The following ZFAT variants were observed in gnomAD, a reference collection of about 807,000 sequenced individuals.
ZFAT encodes the protein zinc finger protein ZFAT.
In ZFAT, 64 loss-of-function variants were observed where a neutral mutation model predicts 117.7. The ratio of observed to expected loss-of-function variants is 0.54; its 90% CI spans 0.44 to 0.67. The LOEUF (loss-of-function observed/expected upper bound fraction) is 0.67, where lower values mean the gene tolerates loss of function less well. Ranked by LOEUF, ZFAT falls within the 30% of genes least tolerant of loss-of-function variation. The probability of loss-of-function intolerance (pLI) is 0.00; values close to 1 mark genes in which losing one functional copy is unlikely to be tolerated. For missense variants in ZFAT, 1,433 were observed against 1,584.5 expected, an observed-to-expected ratio of 0.90 and a Z score of 1.62; for synonymous variants, 679 against 615.0, an observed-to-expected ratio of 1.10 and a Z score of -1.54.
chr8:134,555,925 C>T (rs1355512999), intron 11 of ZFAT, among the ~76,000 whole-genome samples: 2 of 147,742 alleles, frequency 1.4e-5, no homozygotes, highest in South Asian at 2.2e-4. Context: ...ATCATTTGAG[C>T]CCAGGAGCTC....
intron 1 of ZFAT, among the ~76,000 whole-genome samples, chr8:134,685,776 C>T (rs1015063379): frequency 6.6e-6 from 1 of 152,198 alleles, no homozygotes; most frequent in Non-Finnish European, 1.5e-5. Context: ...TCCAGTGGCC[C>T]ACCAGGGCAC....
chr8:134,533,140 C>T (rs1411992180), intron 11 of ZFAT, among the ~76,000 whole-genome samples, 168 bp from the exon 12 acceptor site: 1 of 152,188 alleles, frequency 6.6e-6, no homozygotes, highest in Non-Finnish European at 1.5e-5. Flanking sequence ...CTGAGACCTG[C>T]CTCTGCAGTG....
At chr8:134,483,805 C>T (rs2130041719) in intron 15 of ZFAT, among the ~76,000 whole-genome samples, 1 of 152,324 alleles carries the variant, frequency 6.6e-6, no homozygotes, top group East Asian at 1.9e-4. Context: ...CGGCACTTTG[C>T]TGGGCTCTCT....
At chr8:134,552,384 T>C (rs4909909) in intron 11 of ZFAT, among the ~76,000 whole-genome samples, 53,655 of 152,162 alleles carry the variant, frequency 0.35, 9,775 homozygotes, top group East Asian at 0.67. Context: ...TCATGTATTC[T>C]ATATGGCATT....
chr8:134,556,102 G>GAAAAGA (rs377637329), intron 11 of ZFAT, among the ~76,000 whole-genome samples: 3 of 150,370 alleles, frequency 2.0e-5, no homozygotes, highest in Non-Finnish European at 4.4e-5. Flanking sequence ...AAAAGAAAAG[G>GAAAAGA]AAAAGAAAAA....
intron 15 of ZFAT, among the ~76,000 whole-genome samples, chr8:134,491,853 T>C (rs910488556): frequency 1.3e-5 from 2 of 152,218 alleles, no homozygotes; most frequent in African/African-American, 4.8e-5. Flanking sequence ...GTAGGTTCTG[T>C]GGATGAGGAC....
the ZFAT span, among the ~76,000 whole-genome samples, chr8:134,790,844 A>G: frequency 6.6e-6 from 1 of 151,668 alleles, no homozygotes; most frequent in Admixed American, 6.6e-5. Flanking sequence ...GTGAGACTCC[A>G]TCTCTACAAA....
intron 7 of ZFAT, among the ~76,000 whole-genome samples, chr8:134,591,329 C>T (rs1409504517): frequency 1.3e-5 from 2 of 152,218 alleles, no homozygotes; most frequent in East Asian, 3.9e-4. Flanking sequence ...CCTCGGTGTC[C>T]CACTGGGGCG....
the ZFAT span, chr8:134,766,940 T>C: frequency 6.1e-3 from 937 of 152,376 alleles, 14 homozygotes; most frequent in Non-Finnish European, 5.1e-3. Flanking sequence ...AGCTTCTGCA[T>C]TGGAATGGTT....
At chr8:134,577,888 AAGCCAAGGAGAGC>A (rs1288874919) in intron 10 of ZFAT, among the ~76,000 whole-genome samples, 1 of 152,206 alleles carries the variant, frequency 6.6e-6, no homozygotes, top group Non-Finnish European at 1.5e-5. Flanking sequence ...AGAGAAAGAT[AAGCCAAGGAGAGC>A]AGCACAGGAA....
rs549601807 is a variant in ZFAT at position 134,504,256 on chromosome 8, A to G, written c.3492+5363T>C. 2.6e-5 allele frequency among the ~76,000 whole-genome samples: 4 copies of G among 152,108 alleles called. No homozygotes were observed. The South Asian group carries it at 6.2e-4, about 24-fold the overall frequency. ...CCACCTCAGAGGCTGACACCCCACA[A>G]TGCCCTAGCACCCCCAGTCTGCTGT... On this transcript the variant is annotated intron_variant, in intron 15 of 15. Transcript: ENST00000377838.
intron 12 of ZFAT, among the ~76,000 whole-genome samples, chr8:134,527,503 G>A (rs988467337): frequency 4.6e-5 from 7 of 152,336 alleles, no homozygotes; most frequent in African/African-American, 1.7e-4. Context: ...ATAGAATTTT[G>A]CTGACATTTG....
In ZFAT at chr8:134,588,376, A is replaced by T; in HGVS notation, c.2583T>A (p.Ile861=). Residue 861 remains isoleucine, a synonymous_variant, in exon 9 of 16, where the codon ATT becomes ATA. Transcript: ENST00000377838. ...TNHPEVSMST[I]SEVLGRRVQL... ...GAACCCTCCTCCCGAGAACCTCAGAAATGGTGCTCATGGAGACCTCTAGAA... is the reference window on the plus strand; with the variant it reads ...GAACCCTCCTCCCGAGAACCTCAGATATGGTGCTCATGGAGACCTCTAGAA... 1 of 1,591,114 alleles carries T rather than the reference A, an allele frequency of 6.3e-7. No individual in the cohort carries two copies. The highest frequency in any genetic ancestry group is 8.6e-7 in the Non-Finnish European group (1 of 1,168,442).
intron 14 of ZFAT, chr8:134,510,571 A>ATAC: frequency 1.2e-5 from 2 of 167,840 alleles, no homozygotes; most frequent in Admixed American, 5.9e-5. Flanking sequence ...CCAGTGGCTG[A>ATAC]GGCAGTGGCG....
chr8:134,548,595 G>A (rs1284180063), intron 11 of ZFAT, among the ~76,000 whole-genome samples: 3 of 152,216 alleles, frequency 2.0e-5, no homozygotes, highest in African/African-American at 7.2e-5. Context: ...TGGGTTCTCT[G>A]ATAACCAGTG....
intron 11 of ZFAT, among the ~76,000 whole-genome samples, chr8:134,534,718 C>T (rs1192106420): frequency 1.8e-5 from 2 of 114,016 alleles, no homozygotes; most frequent in Non-Finnish European, 3.4e-5. Context: ...GGGAGAGGGA[C>T]AGAAGGGAGA....
chr8:134,630,799 T>G (rs903146835), intron 3 of ZFAT, among the ~76,000 whole-genome samples: 1 of 152,226 alleles, frequency 6.6e-6, no homozygotes, highest in African/African-American at 2.4e-5. Context: ...AAGAGTTATT[T>G]TAACTTGCCA....
At chr8:134,510,592 C>CT in intron 14 of ZFAT, 1 of 164,936 alleles carries the variant, frequency 6.1e-6, no homozygotes, top group Admixed American at 5.9e-5. Flanking sequence ...GACTTATATT[C>CT]ACAATGCATC....
intron 1 of ZFAT, among the ~76,000 whole-genome samples, chr8:134,660,738 A>T (rs143528302): frequency 1.3e-5 from 2 of 152,350 alleles, no homozygotes; most frequent in African/African-American, 4.8e-5. Flanking sequence ...ACTTCTGGGG[A>T]CCACAGGGCT....
Sources: gnomAD v4.1 joint callset for allele counts (sites outside exome capture counted in the v4.1 genomes callset) on GRCh38, gnomAD v4.1.1 for gene constraint, MANE v1.5 for transcripts, NCBI Gene and HGNC (gene_info 2026-07-23, HGNC 2026-07-21) for gene names.